SIRT1: variants seen among roughly 807,000 people sequenced by gnomAD.
The protein encoded by SIRT1 is sirtuin 1, also known as NAD-dependent protein deacetylase sirtuin-1.
In SIRT1, 24 loss-of-function variants were observed where a neutral mutation model predicts 67.9. The ratio of observed to expected loss-of-function variants is 0.35; its 90% CI spans 0.26 to 0.50. The LOEUF (loss-of-function observed/expected upper bound fraction) is 0.50. SIRT1 is among the 20% of genes least tolerant of loss of function. The pLI, the probability that SIRT1 is intolerant of heterozygous loss-of-function variation, is 0.98. For missense variants in SIRT1, 873 were observed against 937.2 expected (o/e 0.93, Z 0.89); for synonymous variants, 378 against 350.7 (o/e 1.08, Z -0.87).
At chr10:67,906,411 G>T in intron 4 of SIRT1, 1 of 940,026 alleles carries the variant, frequency 1.1e-6, no homozygotes, top group South Asian at 2.3e-5. Flanking sequence ...ACCCTACCTT[G>T]ATATCTGTAA....
At position 67,911,709 on chromosome 10, in the gene SIRT1, C is replaced by T. The variant is rs555739826; in HGVS notation, c.1358-765C>T. On this transcript the variant is annotated intron_variant, in intron 7 of 8. Transcript: ENST00000212015. Reference sequence around the variant, plus strand: ...TGTCCATCCTTCCCGTCCGTTCTTCCTTCCTTCCTTCGTCCATCCTTCTGT... The same window carrying T: ...TGTCCATCCTTCCCGTCCGTTCTTCTTTCCTTCCTTCGTCCATCCTTCTGT... Among the ~76,000 whole-genome samples, 608 of 138,348 alleles carry T rather than the reference C, an allele frequency of 4.4e-3. 4 individuals carry two copies. The highest frequency in any genetic ancestry group is 0.016 in the African/African-American group (584 of 37,230). 90.8% of individuals were successfully genotyped at this position (138,348 alleles called of 152,430 possible).
intron 8 of SIRT1, 78 bp from the exon 9 acceptor site, chr10:67,916,187 C>T: frequency 7.9e-7 from 1 of 1,261,308 alleles, no homozygotes; most frequent in Non-Finnish European, 1.1e-6. Flanking sequence ...AGAGCTGGAA[C>T]CCACACTTCA....
rs200602669 is a variant in SIRT1 at position 67,888,992 on chromosome 10, C to T, written c.658C>T (p.Leu220=). Residue 220 remains leucine (L), a synonymous_variant, in exon 3 of 9, where the codon CTG becomes TTG. Coordinates refer to ENST00000212015, the MANE Select transcript of SIRT1 (RefSeq NM_012238.5). ...TCCACCTGAGTTGGATGATATGACA[C>T]TGTGGCAGATTGTTATTAATATCCT... is the stretch of plus-strand genomic sequence containing the variant. ...IPPPELDDMT[L]WQIVINILSE... is the part of the protein sequence containing the mutation. The T allele has an allele frequency of 7.9e-5, 128 of 1,613,752 alleles. No individual in the cohort carries two copies. Among genetic ancestry groups the T allele is most frequent in the Non-Finnish European group, 9.6e-5 (113 of 1,179,964 alleles).
chr10:67,900,673 A>G (rs1842731765), intron 4 of SIRT1, among the ~76,000 whole-genome samples: 1 of 151,850 alleles, frequency 6.6e-6, no homozygotes. Context: ...CAAACTCCTG[A>G]GCTCGAGTGA....
intron 3 of SIRT1, 33 bp downstream of exon 3, chr10:67,889,156 A>G (rs1842530575): frequency 3.9e-6 from 6 of 1,548,086 alleles, no homozygotes; most frequent in Middle Eastern, 1.7e-4. Context: ...GAGGTCGTAT[A>G]TGTATTTTCT....
rs567829185 is a variant in SIRT1, at chr10:67,912,998, G to A, written c.1882G>A (p.Val628Met). The change falls in exon 8 of 9, where the codon GTG becomes ATG. Residue 628 changes from valine to methionine, a missense_variant. Transcript: ENST00000212015. ...AGTGAGAAAATGCTGGCCTAATAGA[G>A]TGGCAAAGGAGCAGATTAGTAGGCG... ...GTVRKCWPNRVAKEQISRRLD... is the reference protein window; with the variant it reads ...GTVRKCWPNRMAKEQISRRLD... 3 of 1,610,356 alleles carry A rather than the reference G, an allele frequency of 1.9e-6. No individual in the cohort carries two copies. Among genetic ancestry groups the A allele is most frequent in the East Asian group, 2.2e-5 (1 of 44,870 alleles).
chr10:67,895,740 TTTTTTTTG>T (rs1354135572), intron 4 of SIRT1, among the ~76,000 whole-genome samples: 155 of 88,252 alleles, frequency 1.8e-3, no homozygotes, highest in African/African-American at 5.7e-3. Context: ...CTTGTTTTTT[TTTTTTTTG>T]TTTTTTTTTT....
chr10:67,902,721 A>G (rs573009128), intron 4 of SIRT1, among the ~76,000 whole-genome samples: 1 of 152,264 alleles, frequency 6.6e-6, no homozygotes, highest in African/African-American at 2.4e-5. Flanking sequence ...CATCTGAACT[A>G]TATATAGGAG....
chr10:67,911,773 TCCCA>T (rs1842903046), intron 7 of SIRT1, among the ~76,000 whole-genome samples: 1 of 132,154 alleles, frequency 7.6e-6, no homozygotes, highest in African/African-American at 3.0e-5. Context: ...CCTTCCTTCC[TCCCA>T]CCCTCCCTCC....
chr10:67,898,230 G>T (rs1387082390), intron 4 of SIRT1, among the ~76,000 whole-genome samples: 1 of 146,100 alleles, frequency 6.8e-6, no homozygotes, highest in Non-Finnish European at 1.5e-5. Context: ...CTGCACTCCA[G>T]CCTGGGCGAG....
chr10:67,906,407 C>T (rs1842821260), intron 4 of SIRT1: 12 of 960,076 alleles, frequency 1.2e-5, no homozygotes, highest in Non-Finnish European at 1.7e-5. Flanking sequence ...AATCACCCTA[C>T]CTTGATATCT....
chr10:67,906,042 G>GC (rs1842816120), intron 4 of SIRT1: 1 of 819,396 alleles, frequency 1.2e-6, no homozygotes, highest in Non-Finnish European at 1.7e-6. Context: ...AACTTCCTTT[G>GC]CCATAGTCAC....
intron 4 of SIRT1, among the ~76,000 whole-genome samples, chr10:67,900,350 T>A (rs191362422): frequency 2.6e-5 from 4 of 152,112 alleles, no homozygotes; most frequent in Middle Eastern, 3.4e-3. Flanking sequence ...TCACCATGTT[T>A]GCCAGGCTGG....
intron 4 of SIRT1, among the ~76,000 whole-genome samples, chr10:67,900,508 T>A (rs972766458): frequency 7.2e-5 from 11 of 152,130 alleles, no homozygotes; most frequent in Non-Finnish European, 1.3e-4. Flanking sequence ...AGTAGTGTGA[T>A]CTTACAGCTC....
intron 4 of SIRT1, among the ~76,000 whole-genome samples, chr10:67,893,199 A>G (rs1425598565): frequency 6.6e-6 from 1 of 152,214 alleles, no homozygotes; most frequent in Non-Finnish European, 1.5e-5. Context: ...TAACATAGGT[A>G]TACATGTGCC....
intron 2 of SIRT1, among the ~76,000 whole-genome samples, chr10:67,887,837 A>C (rs1219473256): frequency 5.3e-5 from 8 of 152,198 alleles, no homozygotes; most frequent in Admixed American, 1.3e-4. Context: ...GGGCCTCCCA[A>C]AGTGCTGGGA....
chr10:67,903,860 A>G (rs1206242470), intron 4 of SIRT1, among the ~76,000 whole-genome samples: 3 of 152,158 alleles, frequency 2.0e-5, no homozygotes, highest in Admixed American at 1.3e-4. Flanking sequence ...AAGGATCCCT[A>G]TGGCAGCAAC....
At chr10:67,885,185 C>T (rs552836393) in intron 1 of SIRT1, 34 bp downstream of exon 1, 2 of 1,310,526 alleles carry the variant, frequency 1.5e-6, no homozygotes, top group Non-Finnish European at 2.0e-6. Context: ...AACTGCGCAT[C>T]TCCTCCTCCC....
At position 67,918,373 on chromosome 10, in the gene SIRT1, C is replaced by T. The variant is rs1564897677; in HGVS notation, c.*1780C>T. 6.6e-6 allele frequency: 1 copy of T among 152,522 alleles called. No individual in the cohort carries two copies. Among genetic ancestry groups the T allele is most frequent in the Non-Finnish European group, 1.5e-5 (1 of 68,010 alleles). The allele number at this position is 152,522 out of a possible 1,614,324, so 9.4% of individuals were successfully genotyped here. On this transcript the variant is annotated 3_prime_UTR_variant, in exon 9 of 9. Coordinates refer to ENST00000212015, the MANE Select transcript of SIRT1 (RefSeq NM_012238.5). The stretch of plus-strand genomic sequence containing the variant: ...AAAGTCTATTAAAATTGTCATTTGA[C>T]TTTTTTCTGTTAACTTACATTGTTT...
Sources: allele counts gnomAD v4.1 joint callset (sites outside exome capture counted in the v4.1 genomes callset), GRCh38; gene constraint gnomAD v4.1.1; transcripts MANE v1.5; gene names NCBI Gene and HGNC (gene_info 2026-07-23, HGNC 2026-07-21).